The following CNTLN variants were observed in gnomAD, a reference collection of about 807,000 sequenced individuals.
CNTLN encodes the protein centlein, also known as centlein, centrosomal protein.
Under a neutral mutation model 180.0 loss-of-function variants are expected in CNTLN, and 212 were observed. The ratio of observed to expected loss-of-function variants is 1.18; its 90% CI spans 1.05 to 1.32. The LOEUF is 1.32. Ranked by LOEUF, CNTLN falls within the 40% of genes most tolerant of loss-of-function variation. CNTLN has a pLI of 0.00. For synonymous variants in CNTLN, 722 were observed against 563.1 expected (o/e 1.28, Z -3.99); for missense variants, 2,095 against 1,610.9 (o/e 1.30, Z -5.14).
rs956156538 is a variant in CNTLN, at chr9:17,135,078, T to A, written c.13T>A (p.Ser5Thr). Residue 5 changes from serine (S) to threonine (T), a missense_variant, in exon 1 of 26, where the codon TCG becomes ACG. Physicochemically the swap from Ser to Thr is moderately conservative, Grantham distance 58 (BLOSUM62 1). Transcript: ENST00000380647. MAAR[S>T]PPSPHPSPPA... ...AGCAGCCGCAGCCATGGCGGCGCGT[T>A]CGCCTCCCTCACCGCACCCTTCGCC... The A allele has an allele frequency of 1.0e-5, 16 of 1,598,676 alleles. No individual in the cohort carries two copies. The highest frequency in any genetic ancestry group is 1.4e-5 in the Non-Finnish European group (16 of 1,176,158).
intron 18 of CNTLN, among the ~76,000 whole-genome samples, chr9:17,426,238 A>C (rs952236591): frequency 6.6e-6 from 1 of 152,222 alleles, no homozygotes; most frequent in African/African-American, 2.4e-5. Flanking sequence ...TCAAGAAAAG[A>C]GAAGGACCCC....
intron 2 of CNTLN, among the ~76,000 whole-genome samples, chr9:17,181,544 T>A (rs1160631004): frequency 2.0e-5 from 3 of 152,250 alleles, no homozygotes; most frequent in African/African-American, 7.2e-5. Flanking sequence ...TGTGGATTTG[T>A]TAACAATTCA....
rs148078146 is a variant in CNTLN, at chr9:17,342,478, A to G, written c.1886+34A>G. On this transcript the variant is annotated intron_variant, in intron 12 of 25. Coordinates refer to ENST00000380647, the MANE Select transcript of CNTLN (RefSeq NM_017738.4). ...CATTTTTAACAATATGGACTTAGAT[A>G]AAATACTTGGGAGAAATTTTTTCAT... 2.6e-3 allele frequency: 4,029 copies of G among 1,559,738 alleles called. 104 individuals carry two copies. The African/African-American group carries it at 0.05, about 19-fold the overall frequency.
At chr9:17,262,732 T>TA (rs1166752064) in intron 5 of CNTLN, among the ~76,000 whole-genome samples, 1 of 151,140 alleles carries the variant, frequency 6.6e-6, no homozygotes, top group African/African-American at 2.5e-5. Context: ...TCTGAGAACT[T>TA]AAAAAAAATA....
intron 18 of CNTLN, among the ~76,000 whole-genome samples, chr9:17,421,710 T>G (rs192860872): frequency 6.6e-6 from 1 of 152,278 alleles, no homozygotes; most frequent in Admixed American, 6.5e-5. Flanking sequence ...TTTCATGCTT[T>G]AGTGTGTGTG....
At chr9:17,454,740 T>G (rs1239282523) in intron 18 of CNTLN, among the ~76,000 whole-genome samples, 2 of 152,188 alleles carry the variant, frequency 1.3e-5, no homozygotes, top group Non-Finnish European at 2.9e-5. Flanking sequence ...AAGCACCATC[T>G]CTTTTTAAAT....
chr9:17,312,365 T>TATATATAATATATATATATATATA (rs1819221085), intron 8 of CNTLN, among the ~76,000 whole-genome samples: 19 of 7,202 alleles, frequency 2.6e-3, no homozygotes, highest in African/African-American at 4.4e-3. Context: ...ATATATATAT[T>TATATATAATATATATATATATATA]ATATATATAT....
At chr9:17,237,007 G>A (rs1258887891) in intron 5 of CNTLN, among the ~76,000 whole-genome samples, 1 of 151,932 alleles carries the variant, frequency 6.6e-6, no homozygotes, top group African/African-American at 2.4e-5. Context: ...ATACAAATAC[G>A]TGGTTCTATG....
chr9:17,248,967 G>A (rs1286602561), intron 5 of CNTLN, among the ~76,000 whole-genome samples: 1 of 151,152 alleles, frequency 6.6e-6, no homozygotes, highest in African/African-American at 2.4e-5. Flanking sequence ...TTTTTCTTTA[G>A]TAATCTAGCT....
intron 2 of CNTLN, among the ~76,000 whole-genome samples, chr9:17,171,804 AGT>A (rs1281879351): frequency 6.6e-6 from 1 of 152,042 alleles, no homozygotes; most frequent in Admixed American, 6.5e-5. Context: ...CAGGGTCCAA[AGT>A]GTGGTTATGT....
intron 5 of CNTLN, among the ~76,000 whole-genome samples, chr9:17,249,094 CT>C (rs1414387794): frequency 4.0e-5 from 6 of 151,696 alleles, no homozygotes; most frequent in Non-Finnish European, 8.8e-5. Context: ...TATTTATTTT[CT>C]TCTATGTTTG....
At chr9:17,375,031 A>G (rs753426115) in intron 13 of CNTLN, among the ~76,000 whole-genome samples, 21 of 152,228 alleles carry the variant, frequency 1.4e-4, no homozygotes, top group African/African-American at 5.1e-4. Flanking sequence ...ATGTTCATCA[A>G]CAGACGAATG....
At chr9:17,405,585 C>A (rs1042725839) in intron 15 of CNTLN, among the ~76,000 whole-genome samples, 1 of 151,584 alleles carries the variant, frequency 6.6e-6, no homozygotes, top group Admixed American at 6.6e-5. Context: ...GATCTAATCA[C>A]CTCTTATTAG....
chr9:17,395,135 G>A lies in CNTLN; in HGVS notation c.2615+66G>A. ...CGCATATGTAAAGCACTAGCAAATG[G>A]AGATTGAATTTCAACTACTGTCGAT... On this transcript the variant is annotated intron_variant, in intron 15 of 25. Coordinates refer to ENST00000380647, the MANE Select transcript of CNTLN (RefSeq NM_017738.4). The A allele has an allele frequency of 8.0e-6, 12 of 1,494,324 alleles. No homozygotes were observed. In the South Asian group the frequency reaches 8.5e-5, roughly 11 times the overall value. The allele number at this position is 1,494,324 out of a possible 1,614,324, so 92.6% of individuals were successfully genotyped here.
At chr9:17,523,505 G>A in the CNTLN span, among the ~76,000 whole-genome samples, 1 of 152,118 alleles carries the variant, frequency 6.6e-6, no homozygotes, top group African/African-American at 2.4e-5. Flanking sequence ...CCAAAGTGCT[G>A]GGATTACAGG....
intron 8 of CNTLN, among the ~76,000 whole-genome samples, chr9:17,310,820 C>T (rs1352907139): frequency 6.6e-6 from 1 of 152,020 alleles, no homozygotes; most frequent in Non-Finnish European, 1.5e-5. Flanking sequence ...CACTGACTAG[C>T]CAGTATGTGT....
At chr9:17,211,032 T>G (rs555007855) in intron 2 of CNTLN, among the ~76,000 whole-genome samples, 175 of 152,238 alleles carry the variant, frequency 1.1e-3, no homozygotes, top group Non-Finnish European at 2.1e-3. Flanking sequence ...GGTAGTTTCT[T>G]TTGCTGTGCA....
intron 2 of CNTLN, among the ~76,000 whole-genome samples, chr9:17,205,277 T>C (rs1006704352): frequency 1.6e-4 from 25 of 152,316 alleles, no homozygotes; most frequent in Admixed American, 1.6e-3. Flanking sequence ...TTATCCCATG[T>C]AAATGGCAAT....
intron 18 of CNTLN, among the ~76,000 whole-genome samples, chr9:17,424,977 C>T (rs114123166): frequency 0.018 from 2,706 of 152,176 alleles, 80 homozygotes; most frequent in African/African-American, 0.062. Flanking sequence ...CAAACTAAGA[C>T]GGATATCACA....
Sources: allele counts gnomAD v4.1 joint callset (sites outside exome capture counted in the v4.1 genomes callset), GRCh38; gene constraint gnomAD v4.1.1; transcripts MANE v1.5; gene names NCBI Gene and HGNC (gene_info 2026-07-23, HGNC 2026-07-21).